The following ORC3 variants were observed in gnomAD, a reference collection of about 807,000 sequenced individuals.
ORC3 encodes origin recognition complex subunit 3.
A neutral mutation model predicts 100.7 loss-of-function variants in ORC3; 78 were observed. The ratio of observed to expected loss-of-function variants is 0.77; its 90% CI spans 0.65 to 0.94. The LOEUF (loss-of-function observed/expected upper bound fraction) is 0.94. ORC3 is among the 40% of genes least tolerant of loss of function. ORC3 has a pLI of 0.00. For missense variants in ORC3, 789 were observed against 823.9 expected (o/e 0.96, Z 0.52); for synonymous variants, 295 against 289.3 (o/e 1.02, Z -0.20).
At chr6:87,672,718 C>T in the ORC3 span, among the ~76,000 whole-genome samples, 134 of 152,302 alleles carry the variant, frequency 8.8e-4, 2 homozygotes, top group African/African-American at 3.2e-3. Flanking sequence ...ATAGGTAGAG[C>T]CTGAGAACCT....
At chr6:87,602,962 T>TATATATATATATATATATA (rs1778061266) in intron 3 of ORC3, among the ~76,000 whole-genome samples, 2 of 57,020 alleles carry the variant, frequency 3.5e-5, no homozygotes, top group Admixed American at 2.6e-4. Context: ...ATAATATATA[T>TATATATATATATATATATA]ATATATATAC....
chr6:87,667,927 C>CA (rs60673088), downstream of ORC3, among the ~76,000 whole-genome samples: 45,366 of 147,938 alleles, frequency 0.31, 6,947 homozygotes, highest in Admixed American at 0.41. Context: ...GACTCCGTGT[C>CA]AAAAAAAAAA....
Position 87,647,259 on chromosome 6 carries a change from C to A in ORC3, c.1383-5857C>A, listed in dbSNP as rs532914534. Reference sequence around the variant, plus strand: ...TATGTGACTGCCCCCCTCCTCTCCCCACATGGCCTCTCTCTGATTACTGCT... The same window carrying A: ...TATGTGACTGCCCCCCTCCTCTCCCAACATGGCCTCTCTCTGATTACTGCT... On this transcript the variant is annotated intron_variant, in intron 13 of 19. Coordinates refer to ENST00000392844, the MANE Select transcript of ORC3 (RefSeq NM_012381.4). Among the ~76,000 whole-genome samples the A allele has an allele frequency of 1.3e-5, 2 of 152,294 alleles. 1 individual carries two copies. Among genetic ancestry groups the A allele is most frequent in the South Asian group, 4.1e-4 (2 of 4,822 alleles).
intron 11 of ORC3, among the ~76,000 whole-genome samples, chr6:87,627,854 AG>A (rs1283559219): frequency 2.0e-5 from 3 of 152,178 alleles, no homozygotes; most frequent in Non-Finnish European, 4.4e-5. Context: ...CTGCCTCCCT[AG>A]GAGGAAGCAT....
At chr6:87,674,047 C>A in the ORC3 span, among the ~76,000 whole-genome samples, 1 of 151,994 alleles carries the variant, frequency 6.6e-6, no homozygotes, top group Non-Finnish European at 1.5e-5. Context: ...CAGTGGCTCA[C>A]GCCAGCATTT....
At chr6:87,625,448 G>C (rs149774602) in intron 11 of ORC3, among the ~76,000 whole-genome samples, 2,126 of 152,292 alleles carry the variant, frequency 0.014, 46 homozygotes, top group African/African-American at 0.048. Context: ...GATAACCAGT[G>C]ATGATGAGCA....
intron 2 of ORC3, among the ~76,000 whole-genome samples, chr6:87,596,797 G>A (rs547140889): frequency 7.2e-5 from 11 of 152,116 alleles, no homozygotes; most frequent in Admixed American, 2.0e-4. Flanking sequence ...TTATTGCACC[G>A]GTTCTCAATC....
At chr6:87,636,881 T>G (rs1441462123) in intron 13 of ORC3, among the ~76,000 whole-genome samples, 2 of 152,134 alleles carry the variant, frequency 1.3e-5, no homozygotes, top group Non-Finnish European at 2.9e-5. Context: ...CATCATTGGG[T>G]GATATGTACC....
chr6:87,650,006 G>A (rs577029773), intron 13 of ORC3, among the ~76,000 whole-genome samples: 1 of 149,970 alleles, frequency 6.7e-6, no homozygotes, highest in Non-Finnish European at 1.5e-5. Context: ...ACATTATATG[G>A]ATATGTATAT....
intron 5 of ORC3, among the ~76,000 whole-genome samples, 156 bp from the exon 6 acceptor site, chr6:87,607,517 A>G (rs1021952684): frequency 6.6e-6 from 1 of 152,184 alleles, no homozygotes; most frequent in Non-Finnish European, 1.5e-5. Flanking sequence ...TCAGTAGTTA[A>G]TATGTTAAAT....
rs542214649 is a variant in ORC3, at chr6:87,603,660, C to A, written c.322+132C>A. ...TGTCTCTCTTATTTGTACAATTAAA[C>A]CAACTATAGTTTATATTACATATTT... On this transcript the variant is annotated intron_variant, in intron 4 of 19. Coordinates refer to ENST00000392844, the MANE Select transcript of ORC3 (RefSeq NM_012381.4). 1.6e-4 allele frequency: 76 copies of A among 474,442 alleles called. 1 individual carries two copies. The Admixed American group carries it at 2.1e-3, about 13-fold the overall frequency. 29.4% of individuals were successfully genotyped at this position (474,442 alleles called of 1,614,324 possible).
At chr6:87,604,622 T>C (rs1352032940) in intron 4 of ORC3, among the ~76,000 whole-genome samples, 4 of 152,346 alleles carry the variant, frequency 2.6e-5, no homozygotes, top group African/African-American at 9.6e-5. Context: ...GACAAGTTCA[T>C]TGTTTTATAA....
At position 87,659,812 on chromosome 6, in the gene ORC3, G is replaced by A. The variant is rs29001625; in HGVS notation, c.1691+1794G>A. ...GAGGAGAATGGCTTGAACCCGGGAG[G>A]CAGAGGTTGCAGTGAGCTGAGATCG... On this transcript the variant is annotated intron_variant, in intron 16 of 19. Coordinates refer to ENST00000392844, the MANE Select transcript of ORC3 (RefSeq NM_012381.4). 2.5e-3 allele frequency among the ~76,000 whole-genome samples: 387 copies of A among 152,014 alleles called. 2 individuals carry two copies. The highest frequency in any genetic ancestry group is 8.8e-3 in the African/African-American group (366 of 41,458).
chr6:87,595,124 C>T (rs1429264635), intron 2 of ORC3: 3 of 152,190 alleles, frequency 2.0e-5, no homozygotes, highest in Non-Finnish European at 4.4e-5. Flanking sequence ...ATGCTGTGCA[C>T]ATCAATACAT....
At chr6:87,638,747 ATTGT>A (rs1768006117) in intron 13 of ORC3, among the ~76,000 whole-genome samples, 1 of 152,198 alleles carries the variant, frequency 6.6e-6, no homozygotes, top group East Asian at 1.9e-4. Flanking sequence ...TCAGCTTGCC[ATTGT>A]TTGTTGCTGT....
intron 4 of ORC3, among the ~76,000 whole-genome samples, chr6:87,604,262 G>T (rs1037883069): frequency 1.3e-5 from 2 of 152,128 alleles, no homozygotes; most frequent in Non-Finnish European, 2.9e-5. Context: ...TCTGAGATAA[G>T]GAATTAATTC....
chr6:87,642,206 C>T (rs1213827344), intron 13 of ORC3, among the ~76,000 whole-genome samples: 1 of 151,964 alleles, frequency 6.6e-6, no homozygotes, highest in Non-Finnish European at 1.5e-5. Context: ...GAGGCAGGAT[C>T]ACTTCAGCCC....
intron 13 of ORC3, among the ~76,000 whole-genome samples, chr6:87,649,953 T>A (rs1286002870): frequency 1.3e-5 from 2 of 152,086 alleles, no homozygotes; most frequent in Admixed American, 6.6e-5. Context: ...ATTTTGAACA[T>A]GGGCTTTTTT....
At chr6:87,624,468 T>G (rs1369506665) in intron 11 of ORC3, among the ~76,000 whole-genome samples, 3 of 152,164 alleles carry the variant, frequency 2.0e-5, no homozygotes, top group Non-Finnish European at 2.9e-5. Context: ...AGAGCAAGAC[T>G]CTGTTTCAAA....
Sources: allele counts gnomAD v4.1 joint callset (sites outside exome capture counted in the v4.1 genomes callset), GRCh38; gene constraint gnomAD v4.1.1; transcripts MANE v1.5; gene names NCBI Gene and HGNC (gene_info 2026-07-23, HGNC 2026-07-21).